PFAS: variants seen among roughly 807,000 people sequenced by gnomAD.
PFAS encodes the protein phosphoribosylformylglycinamidine synthase.
A neutral mutation model predicts 140.6 loss-of-function variants in PFAS; 97 were observed. The observed-to-expected ratio is 0.69, with a 90% CI of 0.59 to 0.82. The LOEUF is 0.82. Ranked by LOEUF, PFAS falls within the 40% of genes least tolerant of loss-of-function variation. The pLI, the probability that PFAS is intolerant of heterozygous loss-of-function variation, is 0.00. For synonymous variants in PFAS, 679 were observed against 718.8 expected (o/e 0.94, Z 0.88); for missense variants, 1,656 against 1,780.2 (o/e 0.93, Z 1.26).
Position 8,262,900 on chromosome 17 carries a change from T to G in PFAS, c.1337-20T>G. On this transcript the variant is annotated intron_variant, in intron 11 of 27. Transcript: ENST00000314666. ...CTCGTGGCTTCCCCAGTGTTCTGAT[T>G]CTGCCTTCCCTTCTTACAGGCATGG... 4.4e-6 allele frequency: 7 copies of G among 1,607,984 alleles called. No individual in the cohort carries two copies. The highest frequency in any genetic ancestry group is 6.0e-6 in the Non-Finnish European group (7 of 1,174,336).
At chr17:8,256,711 G>T (rs577430603) in intron 8 of PFAS, 63 bp downstream of exon 8, 112 of 1,578,586 alleles carry the variant, frequency 7.1e-5, no homozygotes, top group Admixed American at 1.3e-4. Flanking sequence ...AAGGTCCCAG[G>T]CCCCTGGAGT....
At chr17:8,247,836 C>T, upstream of PFAS, 1 of 660,534 alleles carries the variant, frequency 1.5e-6, no homozygotes, top group Non-Finnish European at 2.7e-6. Context: ...AGGGAATAAA[C>T]ATTCGCAGAA....
In PFAS at chr17:8,268,223, A is replaced by C. The variant is rs1367072373; in HGVS notation, c.3383-310A>C. ...ATTACAGGCATGCAAAAATACAAAA[A>C]TTAGCCAGGCGTGCTGGCGGGCGCC... On this transcript the variant is annotated intron_variant, in intron 26 of 27. Coordinates refer to ENST00000314666, the MANE Select transcript of PFAS (RefSeq NM_012393.3). 3.4e-5 allele frequency among the ~76,000 whole-genome samples: 5 copies of C among 146,352 alleles called. No individual in the cohort carries two copies. The East Asian group carries it at 8.4e-4, about 25-fold the overall frequency.
rs1410850148 is a variant in PFAS at position 8,266,392 on chromosome 17, T to G, written c.2821+39T>G. 1 of 1,612,818 alleles carries G rather than the reference T, an allele frequency of 6.2e-7. No individual in the cohort carries two copies. On this transcript the variant is annotated intron_variant, in intron 22 of 27. Coordinates refer to ENST00000314666, the MANE Select transcript of PFAS (RefSeq NM_012393.3). The surrounding 1 kb of genome is among the most constrained non-coding windows in gnomAD (Gnocchi z 5.0). ...GGTCTAGTCTCAGGCCCGGGCTGCC[T>G]TCTCTACCCTGCAGACCCCATTTCC... is the stretch of plus-strand genomic sequence containing the variant.
chr17:8,266,689 T>A lies in PFAS; in HGVS notation c.2822-64T>A, dbSNP rs1353222300. The A allele has an allele frequency of 1.3e-6, 2 of 1,542,564 alleles. No individual in the cohort carries two copies. Among genetic ancestry groups the A allele is most frequent in the African/African-American group, 2.7e-5 (2 of 73,010 alleles). ...CACCCTGGCCCTTCCTGCATTTCCC[T>A]GATCCCGCCCCAACTCCCTTGGCCC... On this transcript the variant is annotated intron_variant, in intron 22 of 27. Transcript: ENST00000314666. The surrounding 1 kb of genome is among the most constrained non-coding windows in gnomAD (Gnocchi z 5.0).
chr17:8,258,965 G>A lies in PFAS; in HGVS notation c.1336+766G>A, dbSNP rs999333356. Among the ~76,000 whole-genome samples the A allele has an allele frequency of 1.4e-5, 2 of 146,338 alleles. 1 individual carries two copies. The highest frequency in any genetic ancestry group is 1.4e-4 in the Admixed American group (2 of 14,516). On this transcript the variant is annotated intron_variant, in intron 11 of 27. Transcript: ENST00000314666. ...CCCACCACTGCACTCCAGCCTGGGCGACAGATGGAGACTCCATCTCAAAAA... is the reference window on the plus strand; with the variant it reads ...CCCACCACTGCACTCCAGCCTGGGCAACAGATGGAGACTCCATCTCAAAAA...
At chr17:8,263,496 C>T in intron 13 of PFAS, 79 bp from the exon 14 acceptor site, 1 of 1,252,882 alleles carries the variant, frequency 8.0e-7, no homozygotes, top group Admixed American at 1.7e-5. Context: ...AAATTACAGG[C>T]CCCTTTGGAG....
intron 13 of PFAS, 46 bp from the exon 14 acceptor site, chr17:8,263,529 C>T (rs1345095784): frequency 6.5e-7 from 1 of 1,548,034 alleles, no homozygotes; most frequent in South Asian, 1.1e-5. Context: ...CCTTTGTTGC[C>T]TGACCACCAC....
rs1367964935 is a variant in PFAS, at chr17:8,264,472, G to A, written c.1920G>A (p.Glu640=). ...GCCTGTCGCTGTCTGTGTTGCAGGA[G>A]TTCTTCCTGCAGAGGAAGCCCCCCA... The part of the protein sequence containing the change: ...EWVLGKMPRK[E]FFLQRKPPML... The change falls in exon 17 of 28, where the codon GAG becomes GAA. Residue 640 remains glutamate, a splice_region_variant and synonymous_variant. Transcript: ENST00000314666. The A allele has an allele frequency of 6.2e-7, 1 of 1,613,596 alleles. No homozygotes were observed. Among genetic ancestry groups the A allele is most frequent in the African/African-American group, 1.3e-5 (1 of 75,016 alleles).
rs1156836637 is a variant in PFAS, at chr17:8,266,860, G to T, written c.2929G>T (p.Glu977Ter). The change falls in exon 23 of 28, where the codon GAG (glutamate) becomes TAG (stop). Residue 977 changes from glutamate to a stop codon, truncating the protein, a stop_gained. Coordinates refer to ENST00000314666, the MANE Select transcript of PFAS (RefSeq NM_012393.3). LOFTEE classifies it high-confidence loss of function. This position sits in a 1 kb window ranked among gnomAD's most constrained non-coding sequence, Gnocchi z 5.0. The stretch of plus-strand genomic sequence containing the variant: ...CCGGGATGCTGGCCTCCATTGCCTG[G>T]AGCTGGGCCACACAGGCGAGGCCGG... Reference protein sequence around the residue: ...RYRDAGLHCLELGHTGEAGPH... With the variant: ...RYRDAGLHCL 1 of 1,608,974 alleles carries T rather than the reference G, an allele frequency of 6.2e-7. No individual in the cohort carries two copies. Among genetic ancestry groups the T allele is most frequent in the South Asian group, 1.1e-5 (1 of 90,962 alleles).
intron 4 of PFAS, 57 bp downstream of exon 4, chr17:8,255,189 TA>T: frequency 1.5e-6 from 2 of 1,299,532 alleles, no homozygotes; most frequent in Non-Finnish European, 2.2e-6. Context: ...GATTAGATCC[TA>T]AGCTCTAGAG....
Position 8,263,212 on chromosome 17 carries a change from C to T in PFAS, c.1514C>T (p.Ala505Val), listed in dbSNP as rs375671051. Residue 505 changes from alanine to valine, a missense_variant, in exon 13 of 28, where the codon GCC (alanine) becomes GTC (valine). Ala to Val is a moderately conservative substitution (Grantham distance 64). This residue lies in a region of PFAS where 773 missense variants were observed against 757.3 expected (regional missense o/e 1.02). Transcript: ENST00000314666. ...CGTGTGATCAGGGCTTGTGTGGAGG[C>T]CCCCAAGGGAAACCCCATCTGCAGC... is the stretch of plus-strand genomic sequence containing the variant. The part of the protein sequence containing the change: ...MNRVIRACVE[A>V]PKGNPICSLH... The T allele has an allele frequency of 2.5e-6, 4 of 1,613,874 alleles. No individual in the cohort carries two copies. The highest frequency in any genetic ancestry group is 1.1e-5 in the South Asian group (1 of 91,080).
chr17:8,248,114 A>C, upstream of PFAS: 1 of 1,040,108 alleles, frequency 9.6e-7, no homozygotes, highest in South Asian at 1.4e-5. Flanking sequence ...GCGCTCGGTG[A>C]CGTCACCGGT....
At position 8,267,245 on chromosome 17, in the gene PFAS, T is replaced by C; in HGVS notation, c.3175+10T>C. ...GTGCCCCGTGAGCCTGGTGAGGGAG[T>C]GTGTGCAGAGGCTCCGCGTCCTGGG... On this transcript the variant is annotated intron_variant, in intron 24 of 27. Coordinates refer to ENST00000314666, the MANE Select transcript of PFAS (RefSeq NM_012393.3). This position sits in a 1 kb window ranked among gnomAD's most constrained non-coding sequence, Gnocchi z 4.9. 6.2e-7 allele frequency: 1 copy of C among 1,605,762 alleles called. No homozygotes were observed.
chr17:8,255,549 C>G lies in PFAS; in HGVS notation c.432C>G (p.Thr144=). The stretch of plus-strand genomic sequence containing the variant: ...AGGTGGAAGCCATTGCTCTGGCTAC[C>G]CTGCACGACCGGATGACAGAGCAGC... The part of the protein sequence containing the change: ...SAEVEAIALA[T]LHDRMTEQHF... Residue 144 remains threonine, a synonymous_variant, in exon 5 of 28, where the codon ACC becomes ACG. Coordinates refer to ENST00000314666, the MANE Select transcript of PFAS (RefSeq NM_012393.3). The G allele has an allele frequency of 1.3e-6, 2 of 1,539,102 alleles. No individual in the cohort carries two copies. Among genetic ancestry groups the G allele is most frequent in the Non-Finnish European group, 1.7e-6 (2 of 1,149,332 alleles).
At chr17:8,256,008 CCCTGAGTCTCTGAGGGCCTG>C in intron 6 of PFAS, 98 bp downstream of exon 6, 1 of 974,576 alleles carries the variant, frequency 1.0e-6, no homozygotes, top group Non-Finnish European at 1.6e-6. Flanking sequence ...TTAGGGGCCT[CCCTGAGTCTCTGAGGGCCTG>C]GGCTCCCGTC....
At chr17:8,252,921 C>G (rs376054584) in intron 1 of PFAS, among the ~76,000 whole-genome samples, 2 of 152,224 alleles carry the variant, frequency 1.3e-5, no homozygotes, top group East Asian at 1.9e-4. Context: ...CCCGCCCAAT[C>G]TGGCCTCTTC....
Position 8,266,962 on chromosome 17 carries a change from C to T in PFAS, c.2967+64C>T. 2 of 1,603,494 alleles carry T rather than the reference C, an allele frequency of 1.2e-6. No homozygotes were observed. Among genetic ancestry groups the T allele is most frequent in the South Asian group, 2.2e-5 (2 of 90,678 alleles). On this transcript the variant is annotated intron_variant, in intron 23 of 27. Transcript: ENST00000314666. This position sits in a 1 kb window ranked among gnomAD's most constrained non-coding sequence, Gnocchi z 5.0. Reference sequence around the variant, plus strand: ...TCAGAGTGGGGTGGCCGCGGTCCATCCCTCTCCCACTGTGGAGGGGGCCAT... The same window carrying T: ...TCAGAGTGGGGTGGCCGCGGTCCATTCCTCTCCCACTGTGGAGGGGGCCAT...
Position 8,268,941 on chromosome 17 carries a change from C to T in PFAS, c.3707-13C>T, listed in dbSNP as rs370569547. ...GGACCTTGGCTCTCACTTCCCTCCTCCTTCCATCCCAGGTTACGTAGCATT... is the reference window on the plus strand; with the variant it reads ...GGACCTTGGCTCTCACTTCCCTCCTTCTTCCATCCCAGGTTACGTAGCATT... On this transcript the variant is annotated splice_polypyrimidine_tract_variant and intron_variant, in intron 27 of 27. Coordinates refer to ENST00000314666, the MANE Select transcript of PFAS (RefSeq NM_012393.3). 66 of 1,613,840 alleles carry T rather than the reference C, an allele frequency of 4.1e-5. No individual in the cohort carries two copies. The highest frequency in any genetic ancestry group is 1.6e-4 in the Middle Eastern group (1 of 6,084).
Sources: gnomAD v4.1 joint callset for allele counts (sites outside exome capture counted in the v4.1 genomes callset) on GRCh38, gnomAD v4.1.1 for gene constraint, gnomAD v4.1.1 regional missense constraint, Gnocchi (gnomAD v3.1) non-coding constraint, MANE v1.5 for transcripts, NCBI Gene and HGNC (gene_info 2026-07-23, HGNC 2026-07-21) for gene names.